Variants in TMTC2 observed in about 807,000 individuals in gnomAD.
TMTC2 encodes the protein transmembrane O-mannosyltransferase targeting cadherins 2, also known as protein O-mannosyl-transferase TMTC2.
TMTC2 carries 43 observed loss-of-function variants against 82.4 expected under a neutral mutation model. The observed-to-expected ratio is 0.52, with a 90% CI of 0.41 to 0.67. The LOEUF is 0.67. Among genes scored for constraint, TMTC2 ranks in the 30% least tolerant of loss-of-function variants. TMTC2 has a pLI of 0.00. For synonymous variants in TMTC2, 408 were observed against 381.9 expected, an observed-to-expected ratio of 1.07 and a Z score of -0.80; for missense variants, 919 against 1,012.4, an observed-to-expected ratio of 0.91 and a Z score of 1.25.
chr12:82,723,666 G>T (rs1874311541), intron 1 of TMTC2, among the ~76,000 whole-genome samples: 1 of 152,164 alleles, frequency 6.6e-6, no homozygotes, highest in African/African-American at 2.4e-5. Context: ...TTTTCCACTT[G>T]TAGCATCATG....
In TMTC2 at chr12:82,744,705, C is replaced by A. The variant is rs560473184; in HGVS notation, c.83+57036C>A. 3.9e-5 allele frequency among the ~76,000 whole-genome samples: 6 copies of A among 151,974 alleles called. No individual in the cohort carries two copies. In the South Asian group the frequency reaches 1.0e-3, roughly 26 times the overall value. Reference sequence around the variant, plus strand: ...TATGGAACTCTGGCCAGAAACCCTCCACTTAGATTTCTTTGCATGGAATTA... The same window carrying A: ...TATGGAACTCTGGCCAGAAACCCTCAACTTAGATTTCTTTGCATGGAATTA... On this transcript the variant is annotated intron_variant, in intron 1 of 11. Coordinates refer to ENST00000321196, the MANE Select transcript of TMTC2 (RefSeq NM_152588.3).
intron 2 of TMTC2, among the ~76,000 whole-genome samples, chr12:82,859,828 A>G (rs990506989): frequency 6.6e-6 from 1 of 152,180 alleles, no homozygotes; most frequent in Non-Finnish European, 1.5e-5. Flanking sequence ...GGGCTAGGCA[A>G]TGGCAGCAGC....
At position 82,705,523 on chromosome 12, in the gene TMTC2, G is replaced by A. The variant is rs549484735; in HGVS notation, c.83+17854G>A. On this transcript the variant is annotated intron_variant, in intron 1 of 11. Coordinates refer to ENST00000321196, the MANE Select transcript of TMTC2 (RefSeq NM_152588.3). ...AGTAAGGGTATGCTTACCATTTTAG[G>A]TAATCTGATTTCTGCATATTGTAGT... is the stretch of plus-strand genomic sequence containing the variant. Among the ~76,000 whole-genome samples the A allele has an allele frequency of 3.3e-5, 5 of 152,284 alleles. No homozygotes were observed. In the South Asian group the frequency reaches 6.2e-4, roughly 19 times the overall value.
intron 1 of TMTC2, among the ~76,000 whole-genome samples, chr12:82,735,322 CTTTAACAG>C (rs756117404): frequency 5.3e-5 from 8 of 149,814 alleles, no homozygotes; most frequent in Non-Finnish European, 8.9e-5. Flanking sequence ...TCTGATCTGT[CTTTAACAG>C]TTTTATACAT....
intron 8 of TMTC2, among the ~76,000 whole-genome samples, chr12:82,995,361 A>C (rs1879573542): frequency 6.6e-6 from 1 of 151,666 alleles, no homozygotes; most frequent in South Asian, 2.1e-4. Flanking sequence ...CACGCACATA[A>C]ACGATGCCAC....
chr12:83,085,763 G>A (rs1259886498), intron 11 of TMTC2, among the ~76,000 whole-genome samples: 1 of 152,042 alleles, frequency 6.6e-6, no homozygotes, highest in Non-Finnish European at 1.5e-5. Flanking sequence ...TAAACTCAAG[G>A]CTACATCCAC....
chr12:83,076,598 T>C (rs990354597), intron 11 of TMTC2, among the ~76,000 whole-genome samples: 5 of 152,240 alleles, frequency 3.3e-5, no homozygotes, highest in African/African-American at 7.2e-5. Context: ...GGCTGTCAAC[T>C]TCAGAGGGCT....
chr12:82,789,865 C>G (rs946631086), intron 1 of TMTC2, among the ~76,000 whole-genome samples: 2 of 152,080 alleles, frequency 1.3e-5, no homozygotes, highest in African/African-American at 4.8e-5. Flanking sequence ...GTAGGCAAGA[C>G]AAGTACTATT....
intron 3 of TMTC2, among the ~76,000 whole-genome samples, chr12:82,906,947 A>G (rs1462214912): frequency 1.3e-5 from 2 of 152,178 alleles, no homozygotes; most frequent in Admixed American, 1.3e-4. Flanking sequence ...CTCAGTCCAT[A>G]TCTTCTCTAT....
intron 10 of TMTC2, among the ~76,000 whole-genome samples, chr12:83,059,040 A>T (rs951074783): frequency 6.6e-6 from 1 of 151,826 alleles, no homozygotes; most frequent in Non-Finnish European, 1.5e-5. Flanking sequence ...TTTCTGTCCC[A>T]AAAAAGAAAT....
intron 1 of TMTC2, among the ~76,000 whole-genome samples, chr12:82,826,842 T>TAAGGA (rs1869448583): frequency 6.6e-6 from 1 of 152,216 alleles, no homozygotes; most frequent in African/African-American, 2.4e-5. Context: ...CCTGGAGCCC[T>TAAGGA]ATCCATATTT....
intron 11 of TMTC2, among the ~76,000 whole-genome samples, chr12:83,091,401 C>T (rs1883843184): frequency 6.6e-6 from 1 of 152,048 alleles, no homozygotes; most frequent in African/African-American, 2.4e-5. Context: ...TTTTTTACTT[C>T]TCTAAGATAA....
At chr12:82,907,057 CA>C (rs1264429184) in intron 3 of TMTC2, among the ~76,000 whole-genome samples, 1 of 152,168 alleles carries the variant, frequency 6.6e-6, no homozygotes, top group African/African-American at 2.4e-5. Context: ...AGCAGATTTA[CA>C]TTTACTAAAT....
Position 82,720,047 on chromosome 12 carries a change from G to A in TMTC2, c.83+32378G>A, listed in dbSNP as rs144109055. Among the ~76,000 whole-genome samples, 12 of 152,114 alleles carry A rather than the reference G, an allele frequency of 7.9e-5. No homozygotes were observed. In the East Asian group the frequency reaches 2.3e-3, roughly 29 times the overall value. ...TTTTCTGTTTTTTTGTCTGTTTCTTGGGAGGAGGAACAGGTTTATTGATAC... is the reference window on the plus strand; with the variant it reads ...TTTTCTGTTTTTTTGTCTGTTTCTTAGGAGGAGGAACAGGTTTATTGATAC... On this transcript the variant is annotated intron_variant, in intron 1 of 11. Coordinates refer to ENST00000321196, the MANE Select transcript of TMTC2 (RefSeq NM_152588.3).
intron 1 of TMTC2, among the ~76,000 whole-genome samples, chr12:82,725,897 T>G (rs1423851788): frequency 1.3e-5 from 2 of 152,186 alleles, no homozygotes; most frequent in Admixed American, 1.3e-4. Context: ...TGAAGCCTCA[T>G]AGTGGCTGCC....
chr12:82,908,989 A>T (rs916121126), intron 3 of TMTC2, among the ~76,000 whole-genome samples: 10 of 152,150 alleles, frequency 6.6e-5, no homozygotes, highest in Non-Finnish European at 7.3e-5. Context: ...TTTTGCTTGG[A>T]TACTCTTCAG....
chr12:82,782,369 G>A (rs1877950775), intron 1 of TMTC2, among the ~76,000 whole-genome samples: 1 of 152,054 alleles, frequency 6.6e-6, no homozygotes, highest in African/African-American at 2.4e-5. Context: ...GATATGTATC[G>A]GATGGTACTA....
rs1276543315 is a variant in TMTC2 at position 82,952,249 on chromosome 12, A to T, written c.1599-12775A>T. ...TGTCATTGTTCTTTTGGACAAACTG[A>T]TATCTGTGACCACTCTGATGTCTAG... On this transcript the variant is annotated intron_variant, in intron 4 of 11. Transcript: ENST00000321196. Among the ~76,000 whole-genome samples the T allele has an allele frequency of 3.3e-5, 5 of 152,276 alleles. No homozygotes were observed. In the South Asian group the frequency reaches 1.0e-3, roughly 32 times the overall value.
chr12:82,704,098 T>A (rs1424275787), intron 1 of TMTC2, among the ~76,000 whole-genome samples: 2 of 152,224 alleles, frequency 1.3e-5, no homozygotes. Context: ...GGGAGGTTTA[T>A]TTTTTAAATT....
Sources: gnomAD v4.1 joint callset for allele counts (sites outside exome capture counted in the v4.1 genomes callset) on GRCh38, gnomAD v4.1.1 for gene constraint, MANE v1.5 for transcripts, NCBI Gene and HGNC (gene_info 2026-07-23, HGNC 2026-07-21) for gene names.